The following RFT1 variants were observed in gnomAD, a reference collection of about 807,000 sequenced individuals.
RFT1 encodes the protein man(5)GlcNAc(2)-PP-dolichol translocation protein RFT1.
A neutral mutation model predicts 62.2 loss-of-function variants in RFT1; 43 were observed. The ratio of observed to expected loss-of-function variants is 0.69; its 90% CI spans 0.54 to 0.89. RFT1 has a LOEUF of 0.89. Ranked by LOEUF, RFT1 falls within the 40% of genes least tolerant of loss-of-function variation. The probability of loss-of-function intolerance (pLI) is 0.00; values close to 1 mark genes in which losing one functional copy is unlikely to be tolerated. For synonymous variants in RFT1, 262 were observed against 264.6 expected, an observed-to-expected ratio of 0.99 and a Z score of 0.10; for missense variants, 605 against 649.9, an observed-to-expected ratio of 0.93 and a Z score of 0.75.
At chr3:53,127,115 C>T (rs1333611803) in intron 1 of RFT1, among the ~76,000 whole-genome samples, 3 of 152,250 alleles carry the variant, frequency 2.0e-5, no homozygotes, top group South Asian at 2.1e-4. Context: ...TGTAGCTGCT[C>T]CTTAGAAACA....
At chr3:53,073,470 A>G in the RFT1 span, among the ~76,000 whole-genome samples, 1 of 152,168 alleles carries the variant, frequency 6.6e-6, no homozygotes, top group Non-Finnish European at 1.5e-5. Flanking sequence ...CAAGGGAAGC[A>G]CAAGTGTGTG....
chr3:53,075,297 C>T, the RFT1 span, among the ~76,000 whole-genome samples: 2 of 152,194 alleles, frequency 1.3e-5, no homozygotes, highest in African/African-American at 2.4e-5. Context: ...AGAAAGCATG[C>T]GGCCATTTGG....
At chr3:53,130,269 G>A in intron 1 of RFT1, 69 bp downstream of exon 1, 2 of 1,473,994 alleles carry the variant, frequency 1.4e-6, no homozygotes, top group Non-Finnish European at 1.9e-6. Flanking sequence ...AGGCTCTCAA[G>A]GGCCCAAGGG....
chr3:53,127,796 A>G (rs1216320855), intron 1 of RFT1, among the ~76,000 whole-genome samples: 1 of 152,138 alleles, frequency 6.6e-6, no homozygotes, highest in Non-Finnish European at 1.5e-5. Context: ...AAAAGAAATG[A>G]GACTGTAGAA....
rs768539840 is a variant in RFT1, at chr3:53,122,564, C to G, written c.267-1G>C. On this transcript the variant is annotated splice_acceptor_variant, in intron 3 of 12. Coordinates refer to ENST00000296292, the MANE Select transcript of RFT1 (RefSeq NM_052859.4). LOFTEE classifies it high-confidence loss of function. ...GGACCAAAACACACCCAGGGGGACT[C>G]TAGAAGAGGAGAAAAAAATAATTCA... is the stretch of plus-strand genomic sequence containing the variant. 5.1e-6 allele frequency: 8 copies of G among 1,564,150 alleles called. No homozygotes were observed. The highest frequency in any genetic ancestry group is 6.9e-6 in the Non-Finnish European group (8 of 1,153,180).
At chr3:53,073,877 G>T in the RFT1 span, among the ~76,000 whole-genome samples, 1 of 152,310 alleles carries the variant, frequency 6.6e-6, no homozygotes, top group East Asian at 1.9e-4. Context: ...GAAGCACAGG[G>T]CTTCGAAGTT....
chr3:53,113,672 T>C (rs962074500), intron 6 of RFT1, among the ~76,000 whole-genome samples: 7 of 152,256 alleles, frequency 4.6e-5, no homozygotes, highest in Non-Finnish European at 8.8e-5. Context: ...AATATTATCA[T>C]TTCAACAAGT....
intron 2 of RFT1, among the ~76,000 whole-genome samples, chr3:53,125,661 G>C (rs538271719): frequency 3.1e-4 from 47 of 152,332 alleles, no homozygotes; most frequent in African/African-American, 1.1e-3. Context: ...AGGAAAACCA[G>C]AACAGCTGGC....
intron 1 of RFT1, among the ~76,000 whole-genome samples, chr3:53,127,704 G>A (rs1702146666): frequency 1.3e-5 from 2 of 151,588 alleles, no homozygotes; most frequent in African/African-American, 4.8e-5. Flanking sequence ...GAGGCTGAAA[G>A]GTAGGAGGAT....
chr3:53,091,032 T>TTAAA lies in RFT1; in HGVS notation c.*867_*870dup. On this transcript the variant is annotated 3_prime_UTR_variant, in exon 13 of 13. Transcript: ENST00000296292. ...TTCTGAGGATAAAAAAGTACATCTG[T>TTAAA]TAAACCTTATCTGTCACCAGTGCAA... 1 of 152,402 alleles carries TTAAA rather than the reference T, an allele frequency of 6.6e-6. No individual in the cohort carries two copies. Among genetic ancestry groups the TTAAA allele is most frequent in the East Asian group, 1.9e-4 (1 of 5,192 alleles). 9.4% of individuals were successfully genotyped at this position (152,402 alleles called of 1,614,324 possible).
At chr3:53,105,887 T>C in intron 8 of RFT1, 84 bp from the exon 9 acceptor site, 1 of 1,224,846 alleles carries the variant, frequency 8.2e-7, no homozygotes, top group Non-Finnish European at 1.1e-6. Context: ...ATTTAATATT[T>C]TCATTAAAGT....
chr3:53,119,048 A>T (rs1204997631), intron 6 of RFT1, among the ~76,000 whole-genome samples: 1 of 83,160 alleles, frequency 1.2e-5, no homozygotes, highest in Non-Finnish European at 3.2e-5. Flanking sequence ...CTGTCTCTAC[A>T]AAAAAAAATT....
intron 1 of RFT1, among the ~76,000 whole-genome samples, chr3:53,128,327 ATAC>A (rs1702169325): frequency 6.6e-6 from 1 of 152,170 alleles, no homozygotes; most frequent in Non-Finnish European, 1.5e-5. Context: ...CCATGTGTAC[ATAC>A]TTATGTTAAC....
the RFT1 span, among the ~76,000 whole-genome samples, chr3:53,079,916 C>T: frequency 1.4e-5 from 2 of 146,362 alleles, no homozygotes; most frequent in African/African-American, 5.6e-5. Context: ...AGGACATTGG[C>T]AATTGGTGGG....
chr3:53,103,893 C>T (rs552385220), intron 10 of RFT1, 60 bp downstream of exon 10: 12 of 1,598,908 alleles, frequency 7.5e-6, no homozygotes, highest in Admixed American at 3.3e-5. Context: ...TCTTGAATTT[C>T]GTGACTCTTC....
At chr3:53,107,171 T>C (rs1373504783) in intron 7 of RFT1, among the ~76,000 whole-genome samples, 1 of 148,730 alleles carries the variant, frequency 6.7e-6, no homozygotes, top group Non-Finnish European at 1.5e-5. Flanking sequence ...AGTCTCGCTC[T>C]GTCACCCAGG....
chr3:53,103,112 G>C (rs1320101263), intron 10 of RFT1: 2 of 985,302 alleles, frequency 2.0e-6, no homozygotes, highest in Non-Finnish European at 2.4e-6. Context: ...CTCTGGTATA[G>C]AAACCTGGCC....
intron 6 of RFT1, among the ~76,000 whole-genome samples, chr3:53,117,585 G>A (rs984630682): frequency 6.6e-6 from 1 of 152,226 alleles, no homozygotes; most frequent in African/African-American, 2.4e-5. Flanking sequence ...GGTCCTCGCA[G>A]TCTGGGCATG....
chr3:53,073,479 TG>T, the RFT1 span, among the ~76,000 whole-genome samples: 1 of 151,930 alleles, frequency 6.6e-6, no homozygotes, highest in South Asian at 2.2e-4. Context: ...CACAAGTGTG[TG>T]GCCAGTCAGA....
Sources: gnomAD v4.1 joint callset for allele counts (sites outside exome capture counted in the v4.1 genomes callset) on GRCh38, gnomAD v4.1.1 for gene constraint, MANE v1.5 for transcripts, NCBI Gene and HGNC (gene_info 2026-07-23, HGNC 2026-07-21) for gene names.